Variants in SDCCAG8 observed in about 807,000 individuals in gnomAD.
The protein encoded by SDCCAG8 is serologically defined colon cancer antigen 8.
A neutral mutation model predicts 101.8 loss-of-function variants in SDCCAG8; 74 were observed. The ratio of observed to expected loss-of-function variants is 0.73; its 90% CI spans 0.60 to 0.88. SDCCAG8 has a LOEUF of 0.88. Among genes scored for constraint, SDCCAG8 ranks in the 40% least tolerant of loss-of-function variants. SDCCAG8 has a pLI of 0.00. For missense variants in SDCCAG8, 787 were observed against 822.6 expected (o/e 0.96, Z 0.53); for synonymous variants, 281 against 292.9 (o/e 0.96, Z 0.41).
At chr1:243,323,005 T>G (rs1004838896) in intron 9 of SDCCAG8, among the ~76,000 whole-genome samples, 34 of 151,824 alleles carry the variant, frequency 2.2e-4, no homozygotes, top group African/African-American at 8.2e-4. Context: ...CATGGTGGTG[T>G]GCGCCTGTAG....
intron 10 of SDCCAG8, among the ~76,000 whole-genome samples, chr1:243,332,113 A>T (rs2149351235): frequency 6.6e-6 from 1 of 152,252 alleles, no homozygotes; most frequent in South Asian, 2.1e-4. Flanking sequence ...TAACACACCC[A>T]AGACTCTGGA....
At chr1:243,268,219 A>G (rs2067790786) in intron 1 of SDCCAG8, 7 of 453,612 alleles carry the variant, frequency 1.5e-5, no homozygotes, top group Non-Finnish European at 2.4e-5. Flanking sequence ...TTCCTTTCTA[A>G]TAGATTCAAT....
chr1:243,360,517 A>G (rs1241586945), intron 12 of SDCCAG8, among the ~76,000 whole-genome samples: 1 of 151,746 alleles, frequency 6.6e-6, no homozygotes, highest in Non-Finnish European at 1.5e-5. Flanking sequence ...CATAAGGGCC[A>G]GAGAAAGTCT....
intron 1 of SDCCAG8, among the ~76,000 whole-genome samples, chr1:243,264,471 A>C (rs2067430670): frequency 1.3e-5 from 2 of 152,028 alleles, no homozygotes; most frequent in Non-Finnish European, 2.9e-5. Context: ...AAAATTACCC[A>C]GGTGTGGTGG....
intron 15 of SDCCAG8, 34 bp from the exon 16 acceptor site, chr1:243,426,393 C>G: frequency 6.3e-7 from 1 of 1,589,540 alleles, no homozygotes; most frequent in South Asian, 1.1e-5. Context: ...ATAAGAACTT[C>G]TAACATCTAT....
chr1:243,268,116 T>C lies in SDCCAG8; in HGVS notation c.68-1989T>C, dbSNP rs1217522842. The C allele has an allele frequency of 5.8e-6, 4 of 685,330 alleles. No individual in the cohort carries two copies. In the Admixed American group the frequency reaches 9.1e-5, roughly 16 times the overall value. 42.5% of individuals were successfully genotyped at this position (685,330 alleles called of 1,614,324 possible). On this transcript the variant is annotated intron_variant, in intron 1 of 17. Coordinates refer to ENST00000366541, the MANE Select transcript of SDCCAG8 (RefSeq NM_006642.5). ...TAGTTCCTCATTTTCTTTTGCTTCC[T>C]CATGGTCACACCACACTCCTGTTTC...
chr1:243,467,897 T>C (rs1248716495), intron 16 of SDCCAG8, among the ~76,000 whole-genome samples: 1 of 152,228 alleles, frequency 6.6e-6, no homozygotes. Context: ...CATAGGATGA[T>C]TGAACCATGA....
intron 13 of SDCCAG8, among the ~76,000 whole-genome samples, chr1:243,406,262 T>A (rs545802589): frequency 1.3e-3 from 191 of 152,344 alleles, no homozygotes; most frequent in Non-Finnish European, 2.2e-3. Flanking sequence ...TTTAGGGTGA[T>A]GAATTGGGCT....
chr1:243,315,921 ACTTTCT>A (rs2073194332), intron 8 of SDCCAG8, among the ~76,000 whole-genome samples: 2 of 152,310 alleles, frequency 1.3e-5, no homozygotes, highest in South Asian at 4.1e-4. Context: ...TTCCTGCCTC[ACTTTCT>A]CTTTGTCTAC....
chr1:243,320,854 A>G (rs758320685), intron 9 of SDCCAG8, among the ~76,000 whole-genome samples: 4 of 152,134 alleles, frequency 2.6e-5, no homozygotes, highest in East Asian at 1.9e-4. Flanking sequence ...TGTATGTGCC[A>G]TGTGCATTCT....
At chr1:243,305,035 G>T (rs900705367) in intron 7 of SDCCAG8, 2 of 410,710 alleles carry the variant, frequency 4.9e-6, no homozygotes, top group South Asian at 4.8e-5. Flanking sequence ...GGCCGGGCGC[G>T]GTGGCTCACG....
At chr1:243,359,582 A>G (rs1357174844) in intron 12 of SDCCAG8, among the ~76,000 whole-genome samples, 1 of 152,228 alleles carries the variant, frequency 6.6e-6, no homozygotes, top group Non-Finnish European at 1.5e-5. Flanking sequence ...TGGAGGGCAC[A>G]AGCGGGTGCA....
chr1:243,352,296 G>A (rs1409986975), intron 12 of SDCCAG8, among the ~76,000 whole-genome samples: 1 of 152,178 alleles, frequency 6.6e-6, no homozygotes, highest in African/African-American at 2.4e-5. Context: ...TTTGCCTTTG[G>A]ATGGGAATAG....
chr1:243,312,182 C>A (rs913523532), intron 8 of SDCCAG8, among the ~76,000 whole-genome samples: 1 of 152,162 alleles, frequency 6.6e-6, no homozygotes. Flanking sequence ...TGAAGAGTGT[C>A]CAGCACCTTT....
chr1:243,492,758 C>T (rs1666877890), intron 17 of SDCCAG8, among the ~76,000 whole-genome samples: 2 of 151,798 alleles, frequency 1.3e-5, no homozygotes, highest in Admixed American at 6.6e-5. Flanking sequence ...CAGGTGCCTG[C>T]CACCACGCCT....
chr1:243,387,935 C>G (rs1011908442), intron 13 of SDCCAG8, among the ~76,000 whole-genome samples: 4 of 151,996 alleles, frequency 2.6e-5, no homozygotes, highest in Non-Finnish European at 4.4e-5. Context: ...AGACTGGTCT[C>G]AAACTCCTGA....
chr1:243,403,272 A>G (rs954742459), intron 13 of SDCCAG8, among the ~76,000 whole-genome samples: 1 of 152,166 alleles, frequency 6.6e-6, no homozygotes, highest in Non-Finnish European at 1.5e-5. Context: ...TGTGTGTGCA[A>G]CGCTGGCCAA....
intron 13 of SDCCAG8, among the ~76,000 whole-genome samples, chr1:243,381,526 C>T (rs569235786): frequency 1.3e-5 from 2 of 151,978 alleles, no homozygotes; most frequent in African/African-American, 2.4e-5. Flanking sequence ...AGGTTCAAGC[C>T]TGCTGTGAGC....
At chr1:243,273,581 G>T (rs565762571) in intron 3 of SDCCAG8, among the ~76,000 whole-genome samples, 14 of 152,208 alleles carry the variant, frequency 9.2e-5, no homozygotes, top group Non-Finnish European at 1.8e-4. Context: ...CACTTGAATT[G>T]CCTTCAATAC....
Sources: allele counts gnomAD v4.1 joint callset (sites outside exome capture counted in the v4.1 genomes callset), GRCh38; gene constraint gnomAD v4.1.1; transcripts MANE v1.5; gene names NCBI Gene and HGNC (gene_info 2026-07-23, HGNC 2026-07-21).